The following ANK1 variants were observed in gnomAD, a reference collection of about 807,000 sequenced individuals.
ANK1 encodes ankyrin-1.
Under a neutral mutation model 210.4 loss-of-function variants are expected in ANK1, and 51 were observed. That is an observed-to-expected ratio of 0.24 (90% CI 0.19 to 0.31). The LOEUF (loss-of-function observed/expected upper bound fraction) is 0.31, where lower values mean the gene tolerates loss of function less well. ANK1 is among the 10% of genes least tolerant of loss of function. The pLI is 1.00. For synonymous variants in ANK1, 967 were observed against 1,025.9 expected, an observed-to-expected ratio of 0.94 and a Z score of 1.10; for missense variants, 2,051 against 2,504.4, an observed-to-expected ratio of 0.82 and a Z score of 3.86.
chr8:41,674,420 G>A (rs1813505869), intron 37 of ANK1, among the ~76,000 whole-genome samples: 1 of 152,200 alleles, frequency 6.6e-6, no homozygotes, highest in Non-Finnish European at 1.5e-5. Context: ...CTCTGAGGCT[G>A]TCCTAGGGTC....
chr8:41,665,231 G>A lies in ANK1; in HGVS notation c.5395-1489C>T, dbSNP rs7815433. 5.5e-3 allele frequency: 8,383 copies of A among 1,518,748 alleles called. 323 individuals carry two copies. In the African/African-American group the frequency reaches 0.094, roughly 17 times the overall value. The allele number at this position is 1,518,748 out of a possible 1,614,324, so 94.1% of individuals were successfully genotyped here. ...ATGGCCCTCTCGGCTGAAGCAGCCC[G>A]GCCCAAGTGCCCTTCTGCCCAGCAG... On this transcript the variant is annotated intron_variant, in intron 39 of 42. Coordinates refer to ENST00000289734, the MANE Select transcript of ANK1 (RefSeq NM_000037.4).
chr8:41,667,304 G>A (rs972770310), intron 39 of ANK1, among the ~76,000 whole-genome samples: 7 of 152,282 alleles, frequency 4.6e-5, no homozygotes, highest in African/African-American at 1.4e-4. Context: ...TAGGAAAGAA[G>A]GGAGACAAGG....
chr8:41,711,690 A>G (rs1039875208), intron 16 of ANK1, among the ~76,000 whole-genome samples: 3 of 152,180 alleles, frequency 2.0e-5, no homozygotes, highest in Non-Finnish European at 2.9e-5. Context: ...GGGACTTTCT[A>G]GGTATTTTTG....
chr8:41,657,591 A>G (rs1486432179), intron 42 of ANK1, among the ~76,000 whole-genome samples: 1 of 152,220 alleles, frequency 6.6e-6, no homozygotes, highest in East Asian at 1.9e-4. Context: ...TGCTCCTCAA[A>G]TAAGAGACCA....
At chr8:41,798,882 A>T (rs1849368265), upstream of ANK1, among the ~76,000 whole-genome samples, 1 of 152,090 alleles carries the variant, frequency 6.6e-6, no homozygotes, top group African/African-American at 2.4e-5. Flanking sequence ...CGAGGCCGCC[A>T]TCTGGCTTTA....
chr8:41,770,851 C>A (rs1364129296), intron 1 of ANK1, among the ~76,000 whole-genome samples: 2 of 152,242 alleles, frequency 1.3e-5, no homozygotes, highest in Non-Finnish European at 2.9e-5. Flanking sequence ...AATTCCAGCA[C>A]TGCAGCCTGG....
chr8:41,744,168 G>A (rs1457107774), intron 2 of ANK1, among the ~76,000 whole-genome samples: 5 of 152,136 alleles, frequency 3.3e-5, no homozygotes, highest in African/African-American at 1.2e-4. Context: ...AGGTTGAAAC[G>A]AAGACAAATC....
intron 1 of ANK1, among the ~76,000 whole-genome samples, chr8:41,821,311 C>T (rs1328347027): frequency 6.6e-6 from 1 of 151,980 alleles, no homozygotes; most frequent in Non-Finnish European, 1.5e-5. Flanking sequence ...ATTTTCTTTC[C>T]TTGCTAAAAA....
At chr8:41,818,184 A>T (rs560037333) in intron 1 of ANK1, among the ~76,000 whole-genome samples, 1 of 152,344 alleles carries the variant, frequency 6.6e-6, no homozygotes, top group South Asian at 2.1e-4. Flanking sequence ...CCAAGACTCA[A>T]TTCAAACCCA....
chr8:41,869,584 A>T (rs1183628952), intron 1 of ANK1, among the ~76,000 whole-genome samples: 1 of 152,030 alleles, frequency 6.6e-6, no homozygotes, highest in African/African-American at 2.4e-5. Context: ...TCTAAAATTT[A>T]AAAAAAAGAA....
rs28689087 is a variant in ANK1 at position 41,805,153 on chromosome 8, C to A, written c.127-47016G>T. Among the ~76,000 whole-genome samples, 9 of 147,406 alleles carry A rather than the reference C, an allele frequency of 6.1e-5. No homozygotes were observed. The South Asian group carries it at 1.9e-3, about 31-fold the overall frequency. ...CTTTCTTTCTCTCTCTCTCATAGAG[C>A]TCTTTCTCTCTCTCTCTTTCTTTCT... On this transcript the variant is annotated intron_variant, in intron 1 of 42. Coordinates refer to the ANK1 transcript ENST00000265709.
chr8:41,738,170 T>G (rs540355639), intron 2 of ANK1, among the ~76,000 whole-genome samples: 47 of 150,824 alleles, frequency 3.1e-4, no homozygotes, highest in African/African-American at 1.1e-3. Flanking sequence ...AAGACAGAGT[T>G]GCAAGTTCAT....
At chr8:41,713,514 T>C (rs1826756349) in intron 16 of ANK1, among the ~76,000 whole-genome samples, 1 of 152,258 alleles carries the variant, frequency 6.6e-6, no homozygotes, top group Non-Finnish European at 1.5e-5. Context: ...CCTCCGAAGC[T>C]GGTGTGAGGC....
chr8:41,801,290 G>A (rs1849821970), upstream of ANK1, among the ~76,000 whole-genome samples: 1 of 152,170 alleles, frequency 6.6e-6, no homozygotes, highest in African/African-American at 2.4e-5. Flanking sequence ...AATTTGAGCT[G>A]TTTTCAACTT....
At chr8:41,793,648 G>T (rs543962469) in intron 1 of ANK1, among the ~76,000 whole-genome samples, 1 of 152,266 alleles carries the variant, frequency 6.6e-6, no homozygotes, top group South Asian at 2.1e-4. Context: ...TCACAGCTCT[G>T]CTCTTGCACA....
chr8:41,686,560 T>C (rs775263047), intron 35 of ANK1, among the ~76,000 whole-genome samples: 1 of 152,262 alleles, frequency 6.6e-6, no homozygotes, highest in African/African-American at 2.4e-5. Context: ...ATGTCCTTTC[T>C]TCCTTTCGTA....
chr8:41,834,333 GA>G (rs1807222764), intron 1 of ANK1, among the ~76,000 whole-genome samples: 1 of 152,246 alleles, frequency 6.6e-6, no homozygotes, highest in African/African-American at 2.4e-5. Flanking sequence ...GGGAGGTGAG[GA>G]AGAGGCAGGA....
chr8:41,850,734 G>C (rs545530443), intron 1 of ANK1, among the ~76,000 whole-genome samples: 1 of 152,302 alleles, frequency 6.6e-6, no homozygotes, highest in South Asian at 2.1e-4. Context: ...CTCCTGCCTT[G>C]GCCTCCCAAA....
intron 40 of ANK1, 90 bp downstream of exon 40, chr8:41,663,569 G>T: frequency 7.9e-7 from 1 of 1,264,256 alleles, no homozygotes; most frequent in Non-Finnish European, 1.2e-6. Flanking sequence ...TGCTGTGAGG[G>T]CAGCAGGGAG....
Sources: allele counts gnomAD v4.1 joint callset (sites outside exome capture counted in the v4.1 genomes callset), GRCh38; gene constraint gnomAD v4.1.1; transcripts MANE v1.5; gene names NCBI Gene and HGNC (gene_info 2026-07-23, HGNC 2026-07-21).